DFFB: variants seen among roughly 807,000 people sequenced by gnomAD.
DFFB encodes the protein DNA fragmentation factor subunit beta.
DFFB carries 29 observed loss-of-function variants against 32.7 expected under a neutral mutation model. The observed-to-expected ratio is 0.89, with a 90% CI of 0.66 to 1.21. The LOEUF is 1.21. Ranked by LOEUF, DFFB falls within the 50% of genes most tolerant of loss-of-function variation. The pLI is 0.00. For synonymous variants in DFFB, 170 were observed against 177.1 expected (o/e 0.96, Z 0.32); for missense variants, 398 against 440.6 (o/e 0.90, Z 0.87).
At position 3,868,672 on chromosome 1, in the gene DFFB, A is replaced by ACGC. The variant is rs1557716238; in HGVS notation, c.510+620_510+621insGCC. On this transcript the variant is annotated intron_variant, in intron 4 of 6. Transcript: ENST00000378209. ...ACACCACACCAGGCCACACCACACC[A>ACGC]CACCACGCCACACCACACCAGGCCA... Among the ~76,000 whole-genome samples, 4 of 151,414 alleles carry ACGC rather than the reference A, an allele frequency of 2.6e-5. 2 individuals carry two copies. Among genetic ancestry groups the ACGC allele is most frequent in the Non-Finnish European group, 5.9e-5 (4 of 67,714 alleles).
intron 2 of DFFB, among the ~76,000 whole-genome samples, chr1:3,863,785 A>G (rs1644922436): frequency 6.6e-6 from 1 of 152,066 alleles, no homozygotes; most frequent in Non-Finnish European, 1.5e-5. Flanking sequence ...CGGGGATGTT[A>G]GAGAGATGGA....
rs530862132 is a variant in DFFB at position 3,865,267 on chromosome 1, G to A, written c.242-545G>A. The stretch of plus-strand genomic sequence containing the variant: ...TCTCATATGGTGGATCGCACTGATC[G>A]ATTTGCAGGTGTGAACCAGCCTTGC... On this transcript the variant is annotated intron_variant, in intron 2 of 6. Transcript: ENST00000378209. This position sits in a 1 kb window ranked among gnomAD's most constrained non-coding sequence, Gnocchi z 4.7. 6.6e-6 allele frequency among the ~76,000 whole-genome samples: 1 copy of A among 152,144 alleles called. No individual in the cohort carries two copies. Among genetic ancestry groups the A allele is most frequent in the East Asian group, 1.9e-4 (1 of 5,196 alleles).
At chr1:3,866,027 G>A in intron 3 of DFFB, 27 bp downstream of exon 3, 1 of 1,515,844 alleles carries the variant, frequency 6.6e-7, no homozygotes, top group African/African-American at 1.4e-5. Flanking sequence ...GCTGGCAGGG[G>A]AGAGGCTTCT....
chr1:3,875,356 G>T (rs962220673), intron 6 of DFFB, among the ~76,000 whole-genome samples: 8 of 152,136 alleles, frequency 5.3e-5, no homozygotes, highest in African/African-American at 1.9e-4. Context: ...TGGGGATTGG[G>T]GTGTGCGTCC....
chr1:3,872,642 C>T lies in DFFB; in HGVS notation c.782+70C>T. The T allele has an allele frequency of 2.2e-6, 3 of 1,379,804 alleles. No homozygotes were observed. In the South Asian group the frequency reaches 3.5e-5, roughly 16 times the overall value. 85.5% of individuals were successfully genotyped at this position (1,379,804 alleles called of 1,614,324 possible). On this transcript the variant is annotated intron_variant, in intron 6 of 6. Transcript: ENST00000378209. ...CCCTGTCCCTGCCGTGGCCCTGTCC[C>T]TGCCATGGCCCTGTCCCTGCCACGG...
At chr1:3,863,959 A>G (rs1375925065) in intron 2 of DFFB, among the ~76,000 whole-genome samples, 1 of 152,058 alleles carries the variant, frequency 6.6e-6, no homozygotes, top group Non-Finnish European at 1.5e-5. Flanking sequence ...TGTATTGTAC[A>G]CTTTATTTAT....
At chr1:3,878,673 C>T (rs536802004) in intron 6 of DFFB, among the ~76,000 whole-genome samples, 15 of 152,280 alleles carry the variant, frequency 9.9e-5, no homozygotes, top group African/African-American at 2.4e-4. Context: ...TACTGGAAGA[C>T]GGCACTGCTG....
At chr1:3,867,750 G>A in intron 3 of DFFB, 2 of 529,162 alleles carry the variant, frequency 3.8e-6, no homozygotes, top group Non-Finnish European at 6.8e-6. Context: ...CCACTTGGAA[G>A]TCTGAGGCAG....
intron 6 of DFFB, among the ~76,000 whole-genome samples, chr1:3,879,641 C>T (rs1645297706): frequency 6.6e-6 from 1 of 152,176 alleles, no homozygotes. Flanking sequence ...CCTGTTCTTC[C>T]AGCCTCCAGG....
chr1:3,866,076 A>G, intron 3 of DFFB, 76 bp downstream of exon 3: 2 of 1,291,388 alleles, frequency 1.5e-6, no homozygotes, highest in Non-Finnish European at 2.1e-6. Flanking sequence ...GATTCCAAAA[A>G]GCCCCCAGTG....
intron 6 of DFFB, among the ~76,000 whole-genome samples, chr1:3,879,210 C>G (rs911743724): frequency 6.6e-6 from 1 of 152,204 alleles, no homozygotes; most frequent in Admixed American, 6.5e-5. Flanking sequence ...TGAGGACACA[C>G]TTTTCTTTGG....
chr1:3,865,943 A>G lies in DFFB; in HGVS notation c.373A>G (p.Asn125Asp), dbSNP rs774418366. The stretch of plus-strand genomic sequence containing the variant: ...GAGGCTGCTGGCTGACCTCCTGCAC[A>G]ACGTCAGCCAGAACATCGCGGCCGA... The part of the protein sequence containing the change: ...RQRLLADLLH[N>D]VSQNIAAETR... Residue 125 changes from asparagine to aspartate, a missense_variant, in exon 3 of 7, where the codon AAC becomes GAC. Transcript: ENST00000378209. The surrounding 1 kb of genome is among the most constrained non-coding windows in gnomAD (Gnocchi z 4.7). 1.9e-6 allele frequency: 3 copies of G among 1,605,076 alleles called. No individual in the cohort carries two copies. The highest frequency in any genetic ancestry group is 1.3e-5 in the African/African-American group (1 of 74,764).
At chr1:3,880,777 A>C (rs889347484) in intron 6 of DFFB, among the ~76,000 whole-genome samples, 4 of 151,976 alleles carry the variant, frequency 2.6e-5, no homozygotes, top group African/African-American at 9.7e-5. Flanking sequence ...TTTAGTGGGA[A>C]GTGTTTCCTG....
chr1:3,868,672 AC>A (rs1557716243), intron 4 of DFFB, among the ~76,000 whole-genome samples: 14 of 151,520 alleles, frequency 9.2e-5, no homozygotes, highest in East Asian at 3.9e-4. Context: ...ACACCACACC[AC>A]ACCACGCCAC....
chr1:3,876,425 C>T (rs1376383624), intron 6 of DFFB, among the ~76,000 whole-genome samples: 4 of 152,138 alleles, frequency 2.6e-5, no homozygotes, highest in Admixed American at 6.6e-5. Flanking sequence ...TTTTCTCTCA[C>T]GCTTCCTAAA....
intron 3 of DFFB, 77 bp from the exon 4 acceptor site, chr1:3,867,897 C>A: frequency 7.4e-7 from 1 of 1,348,628 alleles, no homozygotes; most frequent in Non-Finnish European, 1.1e-6. Context: ...TGCTTGGCAC[C>A]TGGGCTGGGC....
chr1:3,860,172 C>T (rs1386776817), intron 2 of DFFB, among the ~76,000 whole-genome samples: 1 of 152,206 alleles, frequency 6.6e-6, no homozygotes, highest in Non-Finnish European at 1.5e-5. Flanking sequence ...AAGAAGTCCT[C>T]CTACTTTGGC....
chr1:3,883,470 G>T, intron 6 of DFFB, 37 bp from the exon 7 acceptor site: 2 of 1,587,082 alleles, frequency 1.3e-6, no homozygotes, highest in South Asian at 2.2e-5. Context: ...GTGGCACTGT[G>T]ACCACAGAAA....
At chr1:3,876,678 C>T (rs550077976) in intron 6 of DFFB, among the ~76,000 whole-genome samples, 3 of 152,346 alleles carry the variant, frequency 2.0e-5, no homozygotes, top group East Asian at 1.9e-4. Flanking sequence ...TGGGAAGGTT[C>T]GAGAAGAATT....
Sources: allele counts gnomAD v4.1 joint callset (sites outside exome capture counted in the v4.1 genomes callset), GRCh38; gene constraint gnomAD v4.1.1; non-coding constraint Gnocchi (gnomAD v3.1); transcripts MANE v1.5; gene names NCBI Gene and HGNC (gene_info 2026-07-23, HGNC 2026-07-21).